CCDC73: variants seen among roughly 807,000 people sequenced by gnomAD.
The protein encoded by CCDC73 is coiled-coil domain-containing protein 73.
A neutral mutation model predicts 116.5 loss-of-function variants in CCDC73; 95 were observed. The ratio of observed to expected loss-of-function variants is 0.82; its 90% confidence interval spans 0.69 to 0.97. The LOEUF (loss-of-function observed/expected upper bound fraction) is 0.97, where lower values mean the gene tolerates loss of function less well. Ranked by LOEUF, CCDC73 falls within the 50% of genes least tolerant of loss-of-function variation. The pLI is 0.00. For synonymous variants in CCDC73, 398 were observed against 401.3 expected, an observed-to-expected ratio of 0.99 and a Z score of 0.10; for missense variants, 1,066 against 1,206.8, an observed-to-expected ratio of 0.88 and a Z score of 1.73.
chr11:32,707,758 A>G (rs1849867952), intron 3 of CCDC73, among the ~76,000 whole-genome samples: 2 of 152,130 alleles, frequency 1.3e-5, no homozygotes, highest in African/African-American at 4.8e-5. Flanking sequence ...CTGATGAATT[A>G]TAAACGATTC....
chr11:32,736,989 T>C (rs1360291156), intron 2 of CCDC73, among the ~76,000 whole-genome samples: 1 of 149,752 alleles, frequency 6.7e-6, no homozygotes, highest in Admixed American at 6.7e-5. Context: ...TATATGTATA[T>C]ATGTATATAT....
At chr11:32,613,281 A>C (rs1855438880) in intron 16 of CCDC73, 141 bp downstream of exon 16, 4 of 725,840 alleles carry the variant, frequency 5.5e-6, no homozygotes, top group South Asian at 4.4e-5. Flanking sequence ...CTAAAAGTTA[A>C]AAACAAAAGA....
At chr11:32,677,171 C>T (rs1856096932) in intron 7 of CCDC73, among the ~76,000 whole-genome samples, 1 of 152,098 alleles carries the variant, frequency 6.6e-6, no homozygotes, top group Admixed American at 6.6e-5. Context: ...TAATTGTTTT[C>T]TGAATGAACT....
At position 32,699,263 on chromosome 11, in the gene CCDC73, T is replaced by C. The variant is rs750247127; in HGVS notation, c.378A>G (p.Leu126=). The change falls in exon 6 of 18, where the codon TTA becomes TTG. Residue 126 remains leucine (L), a synonymous_variant. Transcript: ENST00000335185. ...TAGTTATTTTTACCTGTAGTGCTTT[T>C]AATGTTTCCTTCAATCCTTCTATTT... The part of the protein sequence containing the change: ...EKEIEGLKET[L]KALQVSKYSL... 12 of 1,582,730 alleles carry C rather than the reference T, an allele frequency of 7.6e-6. No individual in the cohort carries two copies. The South Asian group carries it at 1.2e-4, about 16-fold the overall frequency.
upstream of CCDC73, among the ~76,000 whole-genome samples, chr11:32,799,091 ATT>A (rs36041424): frequency 0.43 from 51,048 of 117,766 alleles, 9,050 homozygotes; most frequent in East Asian, 0.76. Context: ...TTTTCTTTTC[ATT>A]TTTTTTTTTT....
intron 2 of CCDC73, among the ~76,000 whole-genome samples, chr11:32,746,290 G>T (rs1185520116): frequency 1.3e-5 from 2 of 152,218 alleles, no homozygotes; most frequent in African/African-American, 2.4e-5. Context: ...TCTGCTGAGA[G>T]ATCTGCTGTT....
chr11:32,788,868 AAGACATGGT>A (rs768426515), intron 1 of CCDC73, among the ~76,000 whole-genome samples: 19 of 152,216 alleles, frequency 1.2e-4, no homozygotes, highest in Non-Finnish European at 2.5e-4. Context: ...CATAATACAA[AAGACATGGT>A]AGATAAACAA....
At chr11:32,692,238 C>A (rs910780915) in intron 6 of CCDC73, among the ~76,000 whole-genome samples, 1 of 151,872 alleles carries the variant, frequency 6.6e-6, no homozygotes, top group African/African-American at 2.4e-5. Flanking sequence ...GTTCCTGCAC[C>A]ATTTGTTGAG....
chr11:32,825,970 A>G, the CCDC73 span, among the ~76,000 whole-genome samples: 3 of 152,216 alleles, frequency 2.0e-5, no homozygotes, highest in Non-Finnish European at 4.4e-5. Context: ...TATTTTAAAC[A>G]TGACACGTAG....
At chr11:32,802,779 G>T in the CCDC73 span, among the ~76,000 whole-genome samples, 1 of 152,182 alleles carries the variant, frequency 6.6e-6, no homozygotes, top group South Asian at 2.1e-4. Context: ...TTGAGACAGA[G>T]TCTTGCTCTG....
At chr11:32,612,960 T>C (rs772052701) in intron 16 of CCDC73, among the ~76,000 whole-genome samples, 2 of 152,174 alleles carry the variant, frequency 1.3e-5, no homozygotes, top group Non-Finnish European at 2.9e-5. Flanking sequence ...TGCATGAATA[T>C]ATGTTAAGGG....
In CCDC73 at chr11:32,611,243, A is replaced by C. The variant is rs1381881007; in HGVS notation, c.2919T>G (p.Val973=). 1.2e-6 allele frequency: 2 copies of C among 1,613,514 alleles called. No individual in the cohort carries two copies. The highest frequency in any genetic ancestry group is 1.7e-6 in the Non-Finnish European group (2 of 1,179,682). The change falls in exon 17 of 18, where the codon GTT becomes GTG. Residue 973 remains valine (V), a synonymous_variant. Coordinates refer to ENST00000335185, the MANE Select transcript of CCDC73 (RefSeq NM_001008391.4). The stretch of plus-strand genomic sequence containing the variant: ...TACTCCAGTTATTCAAAGTGTCAGC[A>C]ACTCTGTTAATGCTGGTAGTATCTG... ...IGPDTTSINR[V]ADTLNNWSIH...
intron 9 of CCDC73, among the ~76,000 whole-genome samples, chr11:32,672,573 T>C (rs939171390): frequency 2.0e-5 from 3 of 152,156 alleles, no homozygotes; most frequent in Non-Finnish European, 4.4e-5. Context: ...TCAATGAAAA[T>C]GTGTTTATTC....
At position 32,715,580 on chromosome 11, in the gene CCDC73, G is replaced by T. The variant is rs965157107; in HGVS notation, c.207+2496C>A. On this transcript the variant is annotated intron_variant, in intron 3 of 17. Coordinates refer to ENST00000335185, the MANE Select transcript of CCDC73 (RefSeq NM_001008391.4). Reference sequence around the variant, plus strand: ...TCATCAAGCAGCATAAATCTTGATTGATCACATCCTAAATAATAATAGTTT... The same window carrying T: ...TCATCAAGCAGCATAAATCTTGATTTATCACATCCTAAATAATAATAGTTT... 3.3e-5 allele frequency among the ~76,000 whole-genome samples: 5 copies of T among 151,932 alleles called. No homozygotes were observed. In the East Asian group the frequency reaches 9.6e-4, roughly 29 times the overall value.
At chr11:32,735,607 G>A (rs1023933279) in intron 2 of CCDC73, among the ~76,000 whole-genome samples, 6 of 152,162 alleles carry the variant, frequency 3.9e-5, no homozygotes, top group African/African-American at 1.4e-4. Flanking sequence ...TAGATTCAAT[G>A]CCATCCCCAT....
At chr11:32,810,783 C>T in the CCDC73 span, among the ~76,000 whole-genome samples, 2 of 152,134 alleles carry the variant, frequency 1.3e-5, no homozygotes, top group African/African-American at 4.8e-5. Context: ...TATACTTCTA[C>T]ACAACCCCAA....
chr11:32,689,546 A>G (rs1856235100), intron 6 of CCDC73, among the ~76,000 whole-genome samples: 1 of 152,090 alleles, frequency 6.6e-6, no homozygotes, highest in African/African-American at 2.4e-5. Flanking sequence ...AGAGACATAA[A>G]AGATAAATAA....
At chr11:32,798,912 T>C (rs1046743279), upstream of CCDC73, among the ~76,000 whole-genome samples, 1 of 97,104 alleles carries the variant, frequency 1.0e-5, no homozygotes, top group Non-Finnish European at 2.2e-5. Context: ...TGTTTGTTTG[T>C]TTTGGGGGGG....
At chr11:32,749,056 C>T (rs1850264300) in intron 2 of CCDC73, among the ~76,000 whole-genome samples, 1 of 152,040 alleles carries the variant, frequency 6.6e-6, no homozygotes. Context: ...TTTCTATAAC[C>T]TTCTTGTATT....
Sources: gnomAD v4.1 joint callset for allele counts (sites outside exome capture counted in the v4.1 genomes callset) on GRCh38, gnomAD v4.1.1 for gene constraint, MANE v1.5 for transcripts, NCBI Gene and HGNC (gene_info 2026-07-23, HGNC 2026-07-21) for gene names.